Variants in FNDC3A observed in about 807,000 individuals in gnomAD.
The protein encoded by FNDC3A is fibronectin type III domain containing 3A, also known as fibronectin type-III domain-containing protein 3A.
In FNDC3A, 32 loss-of-function variants were observed where a neutral mutation model predicts 148.9. The ratio of observed to expected loss-of-function variants is 0.21; its 90% CI spans 0.16 to 0.29. The LOEUF is 0.29. Ranked by LOEUF, FNDC3A falls within the 10% of genes least tolerant of loss-of-function variation. The pLI is 1.00. For missense variants in FNDC3A, 1,191 were observed against 1,452.8 expected (o/e 0.82, Z 2.93); for synonymous variants, 472 against 473.6 (o/e 1.00, Z 0.04).
chr13:49,046,345 C>CT, intron 2 of FNDC3A: 1 of 178,464 alleles, frequency 5.6e-6, no homozygotes, highest in Non-Finnish European at 1.3e-5. Context: ...TTGAAACAAT[C>CT]TTTTTGGAAG....
chr13:49,199,887 C>G (rs1374631273), intron 23 of FNDC3A, among the ~76,000 whole-genome samples: 1 of 152,128 alleles, frequency 6.6e-6, no homozygotes, highest in Non-Finnish European at 1.5e-5. Context: ...GTGCCTCTTT[C>G]ACATCTTCAT....
At chr13:49,007,278 T>C (rs989249327) in intron 2 of FNDC3A, among the ~76,000 whole-genome samples, 1 of 152,284 alleles carries the variant, frequency 6.6e-6, no homozygotes, top group African/African-American at 2.4e-5. Context: ...GCTTGGGTTC[T>C]AAATTTTTCT....
intron 2 of FNDC3A, among the ~76,000 whole-genome samples, chr13:49,022,326 T>C (rs2137644364): frequency 6.6e-6 from 1 of 152,332 alleles, no homozygotes; most frequent in South Asian, 2.1e-4. Context: ...AACAAAGCTC[T>C]ACATGTTTGT....
At chr13:49,124,997 C>T (rs969534178) in intron 4 of FNDC3A, among the ~76,000 whole-genome samples, 5 of 152,094 alleles carry the variant, frequency 3.3e-5, no homozygotes, top group African/African-American at 9.7e-5. Context: ...GCTCCCTTAA[C>T]TGTTTTTTTA....
At chr13:49,167,153 C>T in intron 8 of FNDC3A, 91 bp from the exon 9 acceptor site, 1 of 691,598 alleles carries the variant, frequency 1.4e-6, no homozygotes. Context: ...GAAGTAGTTT[C>T]ATAAAATACT....
At chr13:49,159,373 T>C (rs1253945300) in intron 8 of FNDC3A, among the ~76,000 whole-genome samples, 9 of 152,216 alleles carry the variant, frequency 5.9e-5, no homozygotes, top group Non-Finnish European at 8.8e-5. Flanking sequence ...TTTTATTCTC[T>C]TTGAAGCAAT....
chr13:49,104,862 A>T (rs1273007264), intron 3 of FNDC3A, among the ~76,000 whole-genome samples: 1 of 152,190 alleles, frequency 6.6e-6, no homozygotes, highest in Non-Finnish European at 1.5e-5. Context: ...ATAAAGAGAG[A>T]GTATCTTCAT....
chr13:49,141,488 T>C (rs540410723), intron 7 of FNDC3A, among the ~76,000 whole-genome samples: 1 of 152,298 alleles, frequency 6.6e-6, no homozygotes, highest in Admixed American at 6.5e-5. Context: ...CTTTGAGTTA[T>C]CTTCAGAATT....
intron 1 of FNDC3A, among the ~76,000 whole-genome samples, chr13:49,003,416 C>CT (rs923336025): frequency 6.6e-6 from 1 of 151,996 alleles, no homozygotes; most frequent in Non-Finnish European, 1.5e-5. Context: ...ATTTTTCTAT[C>CT]TTTTTTTAAA....
intron 4 of FNDC3A, among the ~76,000 whole-genome samples, chr13:49,118,370 G>A (rs948287300): frequency 1.3e-5 from 2 of 152,198 alleles, no homozygotes; most frequent in Non-Finnish European, 2.9e-5. Flanking sequence ...CAGACCAGGA[G>A]ATTCCCTTCG....
At chr13:49,083,080 G>A (rs113778652) in intron 3 of FNDC3A, among the ~76,000 whole-genome samples, 3 of 152,268 alleles carry the variant, frequency 2.0e-5, no homozygotes, top group Admixed American at 6.5e-5. Context: ...TAATTAGGAA[G>A]TCATCATCAA....
intron 8 of FNDC3A, among the ~76,000 whole-genome samples, chr13:49,149,248 G>A (rs1883156107): frequency 6.6e-6 from 1 of 151,548 alleles, no homozygotes; most frequent in East Asian, 1.9e-4. Flanking sequence ...CCATATTGGA[G>A]TGGTGAGAGT....
chr13:49,085,357 G>A (rs1449717068), intron 3 of FNDC3A, among the ~76,000 whole-genome samples: 2 of 152,166 alleles, frequency 1.3e-5, no homozygotes, highest in Non-Finnish European at 1.5e-5. Flanking sequence ...TCATGTTCTA[G>A]TGTAAATCCT....
chr13:49,148,363 G>A (rs878893866), intron 8 of FNDC3A, among the ~76,000 whole-genome samples: 1 of 150,664 alleles, frequency 6.6e-6, no homozygotes, highest in Admixed American at 6.6e-5. Flanking sequence ...ATTTAAGTCT[G>A]TAAGCCTTCT....
At chr13:49,137,815 G>A (rs1882465018) in intron 6 of FNDC3A, among the ~76,000 whole-genome samples, 1 of 152,250 alleles carries the variant, frequency 6.6e-6, no homozygotes, top group South Asian at 2.1e-4. Flanking sequence ...GTTTCTATAT[G>A]TATGTTCTTT....
rs139697267 is a variant in FNDC3A, at chr13:49,093,716, C to G, written c.175+18352C>G. Among the ~76,000 whole-genome samples the G allele has an allele frequency of 2.3e-3, 345 of 152,210 alleles. 1 individual carries two copies. Among genetic ancestry groups the G allele is most frequent in the African/African-American group, 8.0e-3 (332 of 41,546 alleles). On this transcript the variant is annotated intron_variant, in intron 3 of 25. Transcript: ENST00000492622. ...CATAGTCCAACAATGATTAGTTCCT[C>G]CAAACCATGTACTTGCTTCCTGAAA...
intron 4 of FNDC3A, among the ~76,000 whole-genome samples, chr13:49,123,803 C>T (rs1881520858): frequency 6.6e-6 from 1 of 152,210 alleles, no homozygotes; most frequent in African/African-American, 2.4e-5. Context: ...GAGCTACCAT[C>T]TCACGCCAGT....
intron 19 of FNDC3A, among the ~76,000 whole-genome samples, chr13:49,193,000 A>G (rs1044723651): frequency 6.6e-6 from 1 of 152,182 alleles, no homozygotes; most frequent in Non-Finnish European, 1.5e-5. Flanking sequence ...CCTTGTTCAA[A>G]AAAGGGGGGC....
rs1566325546 is a variant in FNDC3A at position 49,198,501 on chromosome 13, G to A, written c.2914G>A (p.Gly972Arg). The change falls in exon 23 of 26, where the codon GGA (glycine) becomes AGA (arginine). Residue 972 changes from glycine (G) to arginine (R), a missense_variant. By Grantham distance (125) the Gly-to-Arg change is moderately radical. Around this residue, in one of 3 missense-constraint regions of FNDC3A, gnomAD observed 751 missense variants for 944.0 expected, o/e 0.80. Transcript: ENST00000492622. ...FSHQNLKLKW[G>R]EGTPKTLSTD... ...CCACCAGAACCTTAAGCTGAAATGGGGAGAAGGAACTCCAAAGACATTGTC... is the reference window on the plus strand; with the variant it reads ...CCACCAGAACCTTAAGCTGAAATGGAGAGAAGGAACTCCAAAGACATTGTC... 1 of 1,614,132 alleles carries A rather than the reference G, an allele frequency of 6.2e-7. No homozygotes were observed. The highest frequency in any genetic ancestry group is 1.7e-5 in the Admixed American group (1 of 60,022).
Sources: gnomAD v4.1 joint callset for allele counts (sites outside exome capture counted in the v4.1 genomes callset) on GRCh38, gnomAD v4.1.1 for gene constraint, gnomAD v4.1.1 regional missense constraint, MANE v1.5 for transcripts, NCBI Gene and HGNC (gene_info 2026-07-23, HGNC 2026-07-21) for gene names.